The following SLC24A3 variants were observed in gnomAD, a reference collection of about 807,000 sequenced individuals.
The protein encoded by SLC24A3 is solute carrier family 24 member 3.
In SLC24A3, 28 loss-of-function variants were observed where a neutral mutation model predicts 75.8. That is an observed-to-expected ratio of 0.37 (90% CI 0.27 to 0.51). The LOEUF (loss-of-function observed/expected upper bound fraction) is 0.51. Among genes scored for constraint, SLC24A3 ranks in the 20% least tolerant of loss-of-function variants. SLC24A3 has a pLI of 0.94. For synonymous variants in SLC24A3, 372 were observed against 334.1 expected (o/e 1.11, Z -1.24); for missense variants, 663 against 847.8 (o/e 0.78, Z 2.71).
intron 2 of SLC24A3, among the ~76,000 whole-genome samples, chr20:19,387,083 G>C (rs968506954): frequency 2.6e-5 from 4 of 152,048 alleles, no homozygotes; most frequent in African/African-American, 9.7e-5. Context: ...TAGATTGTAT[G>C]TTTCTAGGAA....
chr20:19,539,757 C>A (rs2030463519), intron 3 of SLC24A3, among the ~76,000 whole-genome samples: 1 of 151,992 alleles, frequency 6.6e-6, no homozygotes, highest in African/African-American at 2.4e-5. Context: ...ACCCAAAGAC[C>A]CAGGGAAAAT....
intron 2 of SLC24A3, among the ~76,000 whole-genome samples, chr20:19,431,170 C>T (rs958537132): frequency 6.6e-6 from 1 of 152,082 alleles, no homozygotes. Flanking sequence ...GCCCTCAACC[C>T]AGCCCCATGT....
intron 6 of SLC24A3, among the ~76,000 whole-genome samples, chr20:19,587,670 A>G (rs1006074826): frequency 6.6e-6 from 1 of 152,200 alleles, no homozygotes; most frequent in Non-Finnish European, 1.5e-5. Flanking sequence ...GGGCTGGGGA[A>G]TCAGACGGGT....
chr20:19,222,394 G>A (rs1265209625), intron 1 of SLC24A3, among the ~76,000 whole-genome samples: 1 of 152,176 alleles, frequency 6.6e-6, no homozygotes, highest in African/African-American at 2.4e-5. Context: ...TGGAAATTGT[G>A]CAAAGGAGGG....
chr20:19,556,469 A>G (rs2122605431), intron 3 of SLC24A3, among the ~76,000 whole-genome samples: 1 of 152,146 alleles, frequency 6.6e-6, no homozygotes. Context: ...AAGTCATTTA[A>G]TACGTGTGGG....
chr20:19,335,852 C>T (rs189094031), intron 2 of SLC24A3, among the ~76,000 whole-genome samples: 1 of 152,214 alleles, frequency 6.6e-6, no homozygotes, highest in Non-Finnish European at 1.5e-5. Flanking sequence ...CATACATGAC[C>T]AGTGTGTGGG....
At chr20:19,367,709 C>T (rs928468508) in intron 2 of SLC24A3, among the ~76,000 whole-genome samples, 1 of 152,170 alleles carries the variant, frequency 6.6e-6, no homozygotes, top group African/African-American at 2.4e-5. Context: ...TAATTTCTTC[C>T]TTGTTGGCCA....
chr20:19,233,133 C>G (rs539545245), intron 1 of SLC24A3, among the ~76,000 whole-genome samples: 1 of 152,156 alleles, frequency 6.6e-6, no homozygotes, highest in Non-Finnish European at 1.5e-5. Context: ...GATAACAAAG[C>G]AAGAAGGAAA....
At chr20:19,367,488 G>A (rs887506997) in intron 2 of SLC24A3, among the ~76,000 whole-genome samples, 3 of 107,892 alleles carry the variant, frequency 2.8e-5, no homozygotes, top group African/African-American at 1.4e-4. Context: ...AAGAAGCCCT[G>A]CCTTTTTTTT....
At chr20:19,466,375 G>A (rs1228639465) in intron 2 of SLC24A3, among the ~76,000 whole-genome samples, 1 of 152,176 alleles carries the variant, frequency 6.6e-6, no homozygotes, top group Non-Finnish European at 1.5e-5. Context: ...GATGCCTGAA[G>A]CAACACTGGA....
chr20:19,550,416 A>AG (rs960417459), intron 3 of SLC24A3, among the ~76,000 whole-genome samples: 26 of 152,324 alleles, frequency 1.7e-4, no homozygotes, highest in African/African-American at 6.0e-4. Context: ...CAAAGAGAGA[A>AG]GGGGAGACCC....
intron 7 of SLC24A3, among the ~76,000 whole-genome samples, chr20:19,655,349 T>C (rs767427074): frequency 3.9e-5 from 6 of 152,130 alleles, no homozygotes; most frequent in Admixed American, 1.3e-4. Flanking sequence ...TCTGTGTCAT[T>C]TGTGGGGAAA....
intron 1 of SLC24A3, among the ~76,000 whole-genome samples, chr20:19,263,221 G>A (rs1035744369): frequency 1.3e-5 from 2 of 152,158 alleles, no homozygotes; most frequent in Non-Finnish European, 2.9e-5. Context: ...CATTGAGAAG[G>A]GAACAGTCTC....
chr20:19,426,891 T>G (rs1987016450), intron 2 of SLC24A3, among the ~76,000 whole-genome samples: 1 of 151,468 alleles, frequency 6.6e-6, no homozygotes, highest in Non-Finnish European at 1.5e-5. Flanking sequence ...GGCTTGGCCC[T>G]TGATTGGACA....
intron 9 of SLC24A3, among the ~76,000 whole-genome samples, chr20:19,680,154 G>GTGTGTGTCTGTGTGTCTC (rs1344656483): frequency 6.7e-6 from 1 of 149,798 alleles, no homozygotes; most frequent in African/African-American, 2.5e-5. Context: ...GTGTGTGTCT[G>GTGTGTGTCTGTGTGTCTC]TGTGTGTCTG....
At chr20:19,390,550 A>G (rs1986348764) in intron 2 of SLC24A3, among the ~76,000 whole-genome samples, 1 of 152,082 alleles carries the variant, frequency 6.6e-6, no homozygotes. Context: ...GCAGGCCTGG[A>G]GGCTGGGTCC....
At chr20:19,535,477 G>A (rs995750328) in intron 3 of SLC24A3, among the ~76,000 whole-genome samples, 1 of 152,196 alleles carries the variant, frequency 6.6e-6, no homozygotes, top group African/African-American at 2.4e-5. Flanking sequence ...AGGGTTCCCA[G>A]AGATCAATTA....
At chr20:19,220,687 CA>C (rs1231493758) in intron 1 of SLC24A3, among the ~76,000 whole-genome samples, 1 of 152,218 alleles carries the variant, frequency 6.6e-6, no homozygotes, top group African/African-American at 2.4e-5. Flanking sequence ...GTAAACATTA[CA>C]TCTATGGTTA....
chr20:19,356,645 C>T (rs1408278240), intron 2 of SLC24A3, among the ~76,000 whole-genome samples: 1 of 152,146 alleles, frequency 6.6e-6, no homozygotes, highest in Admixed American at 6.5e-5. Flanking sequence ...CTCCACAGAA[C>T]ATTCTTGTGG....
Sources: allele counts gnomAD v4.1 joint callset (sites outside exome capture counted in the v4.1 genomes callset), GRCh38; gene constraint gnomAD v4.1.1; transcripts MANE v1.5; gene names NCBI Gene and HGNC (gene_info 2026-07-23, HGNC 2026-07-21).